RTL1: variants seen among roughly 807,000 people sequenced by gnomAD.
RTL1 encodes the protein retrotransposon Gag like 1.
For missense variants in RTL1, 1,681 were observed against 1,767.5 expected, an observed-to-expected ratio of 0.95 and a Z score of 0.88; for synonymous variants, 727 against 748.4, an observed-to-expected ratio of 0.97 and a Z score of 0.47.
At chr14:100,891,227 G>A (rs745608397) in intron 3 of RTL1, among the ~76,000 whole-genome samples, 26 of 152,262 alleles carry the variant, frequency 1.7e-4, no homozygotes, top group East Asian at 1.4e-3. Context: ...GGCTAAAGAC[G>A]ACTTGAGCCT....
At chr14:100,903,560 T>C (rs912574087) in intron 1 of RTL1, among the ~76,000 whole-genome samples, 45 bp downstream of exon 1, 6 of 151,904 alleles carry the variant, frequency 3.9e-5, no homozygotes, top group African/African-American at 1.5e-4. Context: ...CCCCATTAGA[T>C]TGATGAGGAA....
Position 100,882,953 on chromosome 14 carries a change from G to A in RTL1, c.1836C>T (p.Ser612=). Reference sequence around the variant, plus strand: ...CACCCACAGGTTCCCAAGGCGCGGTGGAGGGACACTCGTAAAAGGTCTCGC... The same window carrying A: ...CACCCACAGGTTCCCAAGGCGCGGTAGAGGGACACTCGTAAAAGGTCTCGC... ...DHSETFYECP[S]TAPWEPVGAR... Residue 612 remains serine, a synonymous_variant, in exon 4 of 4, where the codon TCC becomes TCT. Transcript: ENST00000649591. 1 of 1,613,854 alleles carries A rather than the reference G, an allele frequency of 6.2e-7. No individual in the cohort carries two copies. The highest frequency in any genetic ancestry group is 8.5e-7 in the Non-Finnish European group (1 of 1,179,962).
intron 2 of RTL1, among the ~76,000 whole-genome samples, chr14:100,900,774 T>C (rs1318676955): frequency 5.3e-5 from 8 of 152,212 alleles, no homozygotes; most frequent in African/African-American, 9.6e-5. Context: ...GAATTTCCCA[T>C]GTGGGTGCCT....
chr14:100,889,222 T>C (rs1251607704), intron 3 of RTL1, among the ~76,000 whole-genome samples: 3 of 152,140 alleles, frequency 2.0e-5, no homozygotes, highest in Non-Finnish European at 4.4e-5. Flanking sequence ...TCAACGTGTT[T>C]TCATCACTAC....
chr14:100,881,483 C>A lies in RTL1; in HGVS notation c.3306G>T (p.Arg1102Ser), dbSNP rs1284701568. 1.9e-6 allele frequency: 3 copies of A among 1,551,400 alleles called. No individual in the cohort carries two copies. The Admixed American group carries it at 5.9e-5, about 30-fold the overall frequency. The change falls in exon 4 of 4, where the codon AGG becomes AGT. Residue 1102 changes from arginine (R) to serine (S), a missense_variant. Arg to Ser is a moderately radical substitution (Grantham distance 110). Transcript: ENST00000649591. This position sits in a 1 kb window ranked among gnomAD's most constrained non-coding sequence, Gnocchi z 6.6. Reference protein sequence around the residue: ...LAAILVLLRVRQCLSLRPAPA... With the variant: ...LAAILVLLRVSQCLSLRPAPA... ...GTGCCGGCCGCAGCGAGAGGCATTGCCTCACGCGCAGTAGCACGAGGATGG... is the reference window on the plus strand; with the variant it reads ...GTGCCGGCCGCAGCGAGAGGCATTGACTCACGCGCAGTAGCACGAGGATGG...
chr14:100,894,289 G>T (rs1289701189), intron 2 of RTL1, among the ~76,000 whole-genome samples: 1 of 131,306 alleles, frequency 7.6e-6, no homozygotes, highest in Non-Finnish European at 1.6e-5. Context: ...CAACCTGGGC[G>T]ACAGAGTGAA....
At position 100,881,793 on chromosome 14, in the gene RTL1, A is replaced by G. The variant is rs1208019651; in HGVS notation, c.2996T>C (p.Leu999Pro). ...GGRALPPVRN[L>P]RWRRAFQRNT... ...CCTCTGGAAGGCTCTCCTCCACCGGAGGTTTCTCACAGGTGGCAGAGCTCG... is the reference window on the plus strand; with the variant it reads ...CCTCTGGAAGGCTCTCCTCCACCGGGGGTTTCTCACAGGTGGCAGAGCTCG... The change falls in exon 4 of 4, where the codon CTC becomes CCC. Residue 999 changes from leucine (L) to proline (P), a missense_variant. Coordinates refer to ENST00000649591, the MANE Select transcript of RTL1 (RefSeq NM_001134888.3). This position sits in a 1 kb window ranked among gnomAD's most constrained non-coding sequence, Gnocchi z 6.6. 2 of 1,613,840 alleles carry G rather than the reference A, an allele frequency of 1.2e-6. No homozygotes were observed. The highest frequency in any genetic ancestry group is 3.3e-5 in the Admixed American group (2 of 60,006).
At chr14:100,898,117 G>C (rs2140057663) in intron 2 of RTL1, 1 of 285,548 alleles carries the variant, frequency 3.5e-6, no homozygotes, top group East Asian at 8.2e-5. Context: ...AAAGTGCTCT[G>C]GGGGAGGAGA....
In RTL1 at chr14:100,880,301, C is replaced by T. The variant is rs1366923850; in HGVS notation, c.*411G>A. Among the ~76,000 whole-genome samples, 1 of 152,038 alleles carries T rather than the reference C, an allele frequency of 6.6e-6. No homozygotes were observed. Among genetic ancestry groups the T allele is most frequent in the Non-Finnish European group, 1.5e-5 (1 of 67,972 alleles). On this transcript the variant is annotated 3_prime_UTR_variant, in exon 4 of 4. Transcript: ENST00000649591. ...CAGTGGAGCACCCGAGGTCAGTGTC[C>T]CAGGGTGGCCATCACCAGGCCGGGT...
chr14:100,900,821 T>TA (rs2038931519), intron 2 of RTL1, among the ~76,000 whole-genome samples: 1 of 152,166 alleles, frequency 6.6e-6, no homozygotes, highest in Non-Finnish European at 1.5e-5. Context: ...CCTCCCCCGT[T>TA]TATGTAAATG....
In RTL1 at chr14:100,881,317, T is replaced by C. The variant is rs1386136229; in HGVS notation, c.3472A>G (p.Ile1158Val). The C allele has an allele frequency of 6.4e-7, 1 of 1,550,518 alleles. No homozygotes were observed. Among genetic ancestry groups the C allele is most frequent in the African/African-American group, 1.4e-5 (1 of 73,136 alleles). ...QMPALVGANTIPAQELAELFL... is the reference protein window; with the variant it reads ...QMPALVGANTVPAQELAELFL... ...AGCTCAGCCAGCTCCTGGGCTGGGA[T>C]GGTGTTTGCACCTACGAGAGCGGGC... Residue 1158 changes from isoleucine to valine, a missense_variant, in exon 4 of 4, where the codon ATC becomes GTC. Transcript: ENST00000649591. This position sits in a 1 kb window ranked among gnomAD's most constrained non-coding sequence, Gnocchi z 6.6.
Position 100,883,250 on chromosome 14 carries a change from G to C in RTL1, c.1539C>G (p.Ala513=). 6.4e-7 allele frequency: 1 copy of C among 1,551,572 alleles called. No individual in the cohort carries two copies. The highest frequency in any genetic ancestry group is 8.7e-7 in the Non-Finnish European group (1 of 1,146,894). Reference sequence around the variant, plus strand: ...GGCCTTTGATCCAGTCGACTTCGGGGGCGTGGACTCGGAGCCAGCGGATGC... The same window carrying C: ...GGCCTTTGATCCAGTCGACTTCGGGCGCGTGGACTCGGAGCCAGCGGATGC... ...VLGIRWLRVH[A]PEVDWIKGRC... Residue 513 remains alanine, a synonymous_variant, in exon 4 of 4, where the codon GCC becomes GCG. Transcript: ENST00000649591. This position sits in a 1 kb window ranked among gnomAD's most constrained non-coding sequence, Gnocchi z 5.9.
intron 3 of RTL1, among the ~76,000 whole-genome samples, chr14:100,886,222 A>G (rs916979440): frequency 6.6e-6 from 1 of 152,048 alleles, no homozygotes; most frequent in Non-Finnish European, 1.5e-5. Flanking sequence ...CGTAAAAAAA[A>G]AAAAAAAAAC....
chr14:100,890,934 G>T (rs2038768151), intron 3 of RTL1, among the ~76,000 whole-genome samples: 1 of 152,182 alleles, frequency 6.6e-6, no homozygotes, highest in Non-Finnish European at 1.5e-5. Context: ...TATTTATTTT[G>T]TTGAACTCGT....
In RTL1 at chr14:100,884,530, C is replaced by T. The variant is rs1329857515; in HGVS notation, c.259G>A (p.Glu87Lys). Residue 87 changes from glutamate to lysine, a missense_variant, in exon 4 of 4, where the codon GAA becomes AAA. Glu to Lys is a moderately conservative substitution (Grantham distance 56, BLOSUM62 1). Coordinates refer to ENST00000649591, the MANE Select transcript of RTL1 (RefSeq NM_001134888.3). ...AGGTCATTGGGTGGATCCTCTATTT[C>T]CTTACGTGGGCCACTGGATGGCTCC... ...MEEPSSGPRK[E>K]IEDPPNDLLQ... is the part of the protein sequence containing the mutation. 1 of 1,613,630 alleles carries T rather than the reference C, an allele frequency of 6.2e-7. No individual in the cohort carries two copies. Among genetic ancestry groups the T allele is most frequent in the South Asian group, 1.1e-5 (1 of 91,078 alleles).
rs1054837814 is a variant in RTL1 at position 100,883,257 on chromosome 14, A to G, written c.1532T>C (p.Val511Ala). 29 of 1,550,892 alleles carry G rather than the reference A, an allele frequency of 1.9e-5. No homozygotes were observed. Among genetic ancestry groups the G allele is most frequent in the Non-Finnish European group, 2.4e-5 (28 of 1,146,692 alleles). Residue 511 changes from valine (V) to alanine (A), a missense_variant, in exon 4 of 4, where the codon GTC (valine) becomes GCC (alanine). Physicochemically the swap from Val to Ala is moderately conservative, Grantham distance 64 (BLOSUM62 0). Transcript: ENST00000649591. This position sits in a 1 kb window ranked among gnomAD's most constrained non-coding sequence, Gnocchi z 5.9. ...GATCCAGTCGACTTCGGGGGCGTGGACTCGGAGCCAGCGGATGCCTAGGAC... is the reference window on the plus strand; with the variant it reads ...GATCCAGTCGACTTCGGGGGCGTGGGCTCGGAGCCAGCGGATGCCTAGGAC... ...SVVLGIRWLR[V>A]HAPEVDWIKG...
At chr14:100,885,046 C>G (rs2140038801) in intron 3 of RTL1, among the ~76,000 whole-genome samples, 172 bp from the exon 4 acceptor site, 1 of 152,340 alleles carries the variant, frequency 6.6e-6, no homozygotes, top group South Asian at 2.1e-4. Flanking sequence ...TTGGGGTGCC[C>G]CCAGGGAGGG....
At chr14:100,897,152 A>T (rs1016089304) in intron 2 of RTL1, among the ~76,000 whole-genome samples, 3 of 152,154 alleles carry the variant, frequency 2.0e-5, no homozygotes, top group Non-Finnish European at 4.4e-5. Context: ...GATATTTTTT[A>T]AAAAACATAT....
chr14:100,903,329 AAGTGATGCCGGTGGCTT>A lies in RTL1; in HGVS notation c.-204_-188del, dbSNP rs564104746. Among the ~76,000 whole-genome samples, 6 of 152,056 alleles carry A rather than the reference AAGTGATGCCGGTGGCTT, an allele frequency of 3.9e-5. No homozygotes were observed. Among genetic ancestry groups the A allele is most frequent in the South Asian group, 4.2e-4 (2 of 4,816 alleles). On this transcript the variant is annotated 5_prime_UTR_variant, in exon 2 of 4. Transcript: ENST00000649591. The stretch of plus-strand genomic sequence containing the variant: ...AGTCCCAAGCGTGAGGCTGGGGATG[AAGTGATGCCGGTGGCTT>A]AGTGATGCCGGTGGCTTCCTGTCCT...
Sources: allele counts gnomAD v4.1 joint callset (sites outside exome capture counted in the v4.1 genomes callset), GRCh38; gene constraint gnomAD v4.1.1; non-coding constraint Gnocchi (gnomAD v3.1); transcripts MANE v1.5; gene names NCBI Gene and HGNC (gene_info 2026-07-23, HGNC 2026-07-21).